Variants in ANGPT4 observed in about 807,000 individuals in gnomAD.
ANGPT4 encodes angiopoietin 4, also known as angiopoietin-4.
In ANGPT4, 50 loss-of-function variants were observed where a neutral mutation model predicts 53.0. The observed-to-expected ratio is 0.94, with a 90% CI of 0.75 to 1.20. The LOEUF (loss-of-function observed/expected upper bound fraction) is 1.20, where lower values mean the gene tolerates loss of function less well. Ranked by LOEUF, ANGPT4 falls within the 50% of genes most tolerant of loss-of-function variation. ANGPT4 has a pLI of 0.00. For missense variants in ANGPT4, 648 were observed against 637.1 expected, an observed-to-expected ratio of 1.02 and a Z score of -0.18; for synonymous variants, 251 against 259.7, an observed-to-expected ratio of 0.97 and a Z score of 0.32.
At chr20:877,871 T>C (rs563768868) in intron 7 of ANGPT4, among the ~76,000 whole-genome samples, 4 of 152,214 alleles carry the variant, frequency 2.6e-5, no homozygotes, top group Non-Finnish European at 5.9e-5. Context: ...TCTGGGTCTC[T>C]GTAAAAAGGC....
At position 872,965 on chromosome 20, in the gene ANGPT4, T is replaced by C. The variant is rs1181432904; in HGVS notation, c.1507A>G (p.Ile503Val). The C allele has an allele frequency of 2.5e-6, 4 of 1,613,860 alleles. No homozygotes were observed. The highest frequency in any genetic ancestry group is 2.7e-5 in the African/African-American group (2 of 74,944). The stretch of plus-strand genomic sequence containing the variant: ...GCCTCTGGCACAGCTGCTCGTTAGA[T>C]GTCCAAAGGCCGTATCATCATGCGA... ...ASRMMIRPLD[I>V] is the part of the protein sequence containing the mutation. The change falls in exon 9 of 9, where the codon ATC becomes GTC. Residue 503 changes from isoleucine to valine, a missense_variant. Ile to Val is a conservative substitution (Grantham distance 29, BLOSUM62 3). Coordinates refer to ENST00000381922, the MANE Select transcript of ANGPT4 (RefSeq NM_015985.4).
chr20:875,910 G>A (rs1180856961), intron 7 of ANGPT4, among the ~76,000 whole-genome samples: 1 of 152,040 alleles, frequency 6.6e-6, no homozygotes, highest in Non-Finnish European at 1.5e-5. Context: ...CAGGCTGATT[G>A]CTTGAGCCCA....
intron 1 of ANGPT4, among the ~76,000 whole-genome samples, chr20:894,846 C>T (rs1305268571): frequency 6.6e-6 from 1 of 152,206 alleles, no homozygotes; most frequent in Admixed American, 6.5e-5. Context: ...GGCTGCAGAG[C>T]TGAGCTGGTG....
At chr20:902,671 T>G (rs574582648) in intron 1 of ANGPT4, among the ~76,000 whole-genome samples, 8 of 152,340 alleles carry the variant, frequency 5.3e-5, no homozygotes, top group African/African-American at 1.9e-4. Context: ...GCAATTTGTT[T>G]CCTTTATAAA....
chr20:885,223 C>T lies in ANGPT4; in HGVS notation c.690G>A (p.Gln230=). 1 of 1,590,592 alleles carries T rather than the reference C, an allele frequency of 6.3e-7. No individual in the cohort carries two copies. Among genetic ancestry groups the T allele is most frequent in the Non-Finnish European group, 8.6e-7 (1 of 1,168,474 alleles). The change falls in exon 4 of 9, where the codon CAG becomes CAA. Residue 230 remains glutamine (Q), a synonymous_variant. Transcript: ENST00000381922. ...KAKLLNTLSR[Q]SAALTNIERG... ...GCTCGATGTTGGTGAGGGCGGCGCTCTGGCGGCTCAGCGTGTTCAGCAGCT... is the reference window on the plus strand; with the variant it reads ...GCTCGATGTTGGTGAGGGCGGCGCTTTGGCGGCTCAGCGTGTTCAGCAGCT...
chr20:912,359 G>A (rs1982736662), intron 1 of ANGPT4, among the ~76,000 whole-genome samples: 1 of 152,198 alleles, frequency 6.6e-6, no homozygotes, highest in Admixed American at 6.5e-5. Flanking sequence ...AGAGGGAAGG[G>A]CCAGCACTGG....
At chr20:907,730 G>C (rs113580368) in intron 1 of ANGPT4, among the ~76,000 whole-genome samples, 3 of 152,164 alleles carry the variant, frequency 2.0e-5, no homozygotes, top group African/African-American at 7.2e-5. Flanking sequence ...CTTCTGCAAG[G>C]CCTCTTGGCT....
rs1308429266 is a variant in ANGPT4, at chr20:911,422, T to C, written c.309+4484A>G. Among the ~76,000 whole-genome samples the C allele has an allele frequency of 6.6e-6, 1 of 152,234 alleles. No homozygotes were observed. Among genetic ancestry groups the C allele is most frequent in the Middle Eastern group, 3.2e-3 (1 of 316 alleles). ...AGCTGCAGGGTGGGCATTGGTCATT[T>C]GGCAGATGTGCCCTGGGTCTTCAGT... On this transcript the variant is annotated intron_variant, in intron 1 of 8. Transcript: ENST00000381922. The surrounding 1 kb of genome is among the most constrained non-coding windows in gnomAD (Gnocchi z 4.9).
At chr20:898,800 C>T (rs1243030519) in intron 1 of ANGPT4, among the ~76,000 whole-genome samples, 2 of 152,240 alleles carry the variant, frequency 1.3e-5, no homozygotes, top group Admixed American at 6.5e-5. Context: ...CCAGGACCTC[C>T]TCCCACAGGA....
chr20:892,476 G>A (rs572817888), intron 1 of ANGPT4, among the ~76,000 whole-genome samples: 5 of 151,870 alleles, frequency 3.3e-5, no homozygotes, highest in Non-Finnish European at 7.4e-5. Context: ...TAAGCCTGTG[G>A]TCTTAGCTAC....
intron 2 of ANGPT4, 128 bp downstream of exon 2, chr20:890,085 G>A (rs748587267): frequency 3.7e-4 from 423 of 1,158,440 alleles, no homozygotes; most frequent in Middle Eastern, 1.0e-3. Flanking sequence ...GGAGGGACCC[G>A]GGGGGCTACA....
intron 1 of ANGPT4, among the ~76,000 whole-genome samples, chr20:904,532 T>C (rs1395619338): frequency 6.6e-6 from 1 of 152,234 alleles, no homozygotes; most frequent in African/African-American, 2.4e-5. Flanking sequence ...ACAAATATCC[T>C]TGTACACCTG....
intron 4 of ANGPT4, among the ~76,000 whole-genome samples, chr20:884,294 T>C (rs1243951858): frequency 6.6e-6 from 1 of 152,200 alleles, no homozygotes; most frequent in Non-Finnish European, 1.5e-5. Flanking sequence ...CTGGCACATA[T>C]TATGCACTCA....
At chr20:885,450 G>A (rs141812904) in intron 3 of ANGPT4, 125 bp from the exon 4 acceptor site, 4 of 1,349,944 alleles carry the variant, frequency 3.0e-6, no homozygotes, top group Non-Finnish European at 3.9e-6. Flanking sequence ...GGAACGTCCT[G>A]TGCCCACTGT....
chr20:885,193 G>C lies in ANGPT4; in HGVS notation c.720C>G (p.Gly240=). The stretch of plus-strand genomic sequence containing the variant: ...TGGAGTTGTGCCTGACACCGCGCAG[G>C]CCGCGCTCGATGTTGGTGAGGGCGG... ...QSAALTNIER[G]LRGVRHNSSL... is the part of the protein sequence containing the mutation. Residue 240 remains glycine (G), a synonymous_variant, in exon 4 of 9, where the codon GGC becomes GGG. Coordinates refer to ENST00000381922, the MANE Select transcript of ANGPT4 (RefSeq NM_015985.4). 6.2e-7 allele frequency: 1 copy of C among 1,602,032 alleles called. No homozygotes were observed.
intron 7 of ANGPT4, among the ~76,000 whole-genome samples, chr20:876,040 A>AGGTCACT (rs1330353955): frequency 6.6e-6 from 1 of 150,604 alleles, no homozygotes; most frequent in African/African-American, 2.4e-5. Context: ...TGAGGTGGGA[A>AGGTCACT]GGTCACTGGT....
At chr20:909,877 C>G (rs57036931) in intron 1 of ANGPT4, among the ~76,000 whole-genome samples, 4,693 of 152,268 alleles carry the variant, frequency 0.031, 239 homozygotes, top group African/African-American at 0.11. Context: ...AGCCCCTTAG[C>G]TTTTCAGAAC....
chr20:903,790 G>A (rs539954311), intron 1 of ANGPT4, among the ~76,000 whole-genome samples: 11 of 152,174 alleles, frequency 7.2e-5, no homozygotes, highest in East Asian at 1.9e-4. Flanking sequence ...ATTTGAGCCC[G>A]GCCTGACGGT....
intron 1 of ANGPT4, among the ~76,000 whole-genome samples, chr20:903,797 C>A (rs373448446): frequency 6.6e-6 from 1 of 152,086 alleles, no homozygotes; most frequent in African/African-American, 2.4e-5. Flanking sequence ...CCCGGCCTGA[C>A]GGTAAAAGGA....
Sources: allele counts gnomAD v4.1 joint callset (sites outside exome capture counted in the v4.1 genomes callset), GRCh38; gene constraint gnomAD v4.1.1; non-coding constraint Gnocchi (gnomAD v3.1); transcripts MANE v1.5; gene names NCBI Gene and HGNC (gene_info 2026-07-23, HGNC 2026-07-21).